The following PLXNA3 variants were observed in gnomAD, a reference collection of about 807,000 sequenced individuals.
PLXNA3 encodes plexin-A3.
In PLXNA3, 52 loss-of-function variants were observed where a neutral mutation model predicts 118.8. That is an observed-to-expected ratio of 0.44 (90% CI 0.35 to 0.55). PLXNA3 has a LOEUF of 0.55. Among genes scored for constraint, PLXNA3 ranks in the 20% least tolerant of loss-of-function variants. The pLI is 0.01. For synonymous variants in PLXNA3, 925 were observed against 762.4 expected (o/e 1.21, Z -3.51); for missense variants, 1,660 against 1,730.8 (o/e 0.96, Z 0.73).
Position 154,465,418 on chromosome X carries a change from C to T in PLXNA3, c.2245-6C>T, listed in dbSNP as rs782617446. 2.5e-6 allele frequency: 3 copies of T among 1,196,215 alleles called. No homozygotes were observed. The highest frequency in any genetic ancestry group is 3.4e-6 in the Non-Finnish European group (3 of 881,999). The stretch of plus-strand genomic sequence containing the variant: ...ATCTGGGGTCCCATGGGTTCCTTTC[C>T]TCCAGTACTCCTATGAAGGTGATGA... On this transcript the variant is annotated splice_region_variant and splice_polypyrimidine_tract_variant and intron_variant, in intron 11 of 32. Coordinates refer to ENST00000369682, the MANE Select transcript of PLXNA3 (RefSeq NM_017514.5).
intron 4 of PLXNA3, among the ~76,000 whole-genome samples, chrX:154,462,811 G>A (rs782340246): frequency 9.1e-5 from 10 of 110,421 alleles, no homozygotes; most frequent in African/African-American, 3.3e-4. Flanking sequence ...CATGAAGGGG[G>A]AGATGAACTT....
chrX:154,469,333 C>A, intron 26 of PLXNA3, 46 bp from the exon 27 acceptor site: 2 of 1,168,872 alleles, frequency 1.7e-6, no homozygotes, highest in Non-Finnish European at 2.3e-6. Context: ...GGGCCAGGCA[C>A]TTGGGGGCTG....
rs1557209821 is a variant in PLXNA3 at position 154,472,598 on chromosome X, G to C, written c.5529G>C (p.Thr1843=). 1.7e-6 allele frequency: 2 copies of C among 1,201,983 alleles called. No homozygotes were observed. Among genetic ancestry groups the C allele is most frequent in the Admixed American group, 2.2e-5 (1 of 45,779 alleles). ...GGACTCCTCTCCCCCAGATTCTCACGGCTCTGGACCGAGATGCCTCTTGTC... is the reference window on the plus strand; with the variant it reads ...GGACTCCTCTCCCCCAGATTCTCACCGCTCTGGACCGAGATGCCTCTTGTC... ...YVTKYRQEIL[T]ALDRDASCRK... is the part of the protein sequence containing the mutation. The change falls in exon 33 of 33, where the codon ACG becomes ACC. Residue 1843 remains threonine, a synonymous_variant. Coordinates refer to ENST00000369682, the MANE Select transcript of PLXNA3 (RefSeq NM_017514.5).
chrX:154,469,963 A>C lies in PLXNA3; in HGVS notation c.4796-14A>C. The stretch of plus-strand genomic sequence containing the variant: ...AGGTGGTGGCCTAAGGGTCACATGC[A>C]TTCTCTGCTCCAGAGAGCTTGCTCC... On this transcript the variant is annotated splice_polypyrimidine_tract_variant and intron_variant, in intron 28 of 32. Coordinates refer to ENST00000369682, the MANE Select transcript of PLXNA3 (RefSeq NM_017514.5). 8.3e-7 allele frequency: 1 copy of C among 1,208,266 alleles called. No individual in the cohort carries two copies. Among genetic ancestry groups the C allele is most frequent in the African/African-American group, 1.7e-5 (1 of 57,884 alleles).
rs781806360 is a variant in PLXNA3, at chrX:154,467,653, G to A, written c.3550G>A (p.Asp1184Asn). 6 of 1,210,030 alleles carry A rather than the reference G, an allele frequency of 5.0e-6. No homozygotes were observed. Among genetic ancestry groups the A allele is most frequent in the South Asian group, 3.5e-5 (2 of 56,906 alleles). ...TGTCTCGGACACACAACTCCTGTGC[G>A]ACTCACCCAGCCAGACTGGCCGGCA... ...LTVSDTQLLCDSPSQTGRQPV... is the reference protein window; with the variant it reads ...LTVSDTQLLCNSPSQTGRQPV... The change falls in exon 20 of 33, where the codon GAC (aspartate) becomes AAC (asparagine). Residue 1184 changes from aspartate (D) to asparagine (N), a missense_variant. This residue lies in a region of PLXNA3 where 869 missense variants were observed against 1,078.7 expected (regional missense o/e 0.81). Coordinates refer to ENST00000369682, the MANE Select transcript of PLXNA3 (RefSeq NM_017514.5).
chrX:154,459,919 C>T (rs1444986149), intron 1 of PLXNA3, among the ~76,000 whole-genome samples: 1 of 113,250 alleles, frequency 8.8e-6, no homozygotes. Context: ...GCTCTGCTAC[C>T]CCCTTGGGTG....
At chrX:154,460,129 C>G (rs1557203100) in intron 1 of PLXNA3, 28 bp from the exon 2 acceptor site, 3 of 879,497 alleles carry the variant, frequency 3.4e-6, no homozygotes, top group East Asian at 6.3e-5. Flanking sequence ...CTCGAGGCCT[C>G]TGACTCCCAC....
At chrX:154,462,089 G>C in intron 3 of PLXNA3, 39 bp from the exon 4 acceptor site, 2 of 1,115,203 alleles carry the variant, frequency 1.8e-6, no homozygotes, top group East Asian at 3.2e-5. Context: ...TTGCGCCTGG[G>C]AGCTTTGACT....
At position 154,460,557 on chromosome X, in the gene PLXNA3, T is replaced by C; in HGVS notation, c.374T>C (p.Leu125Pro). ...CAGGGCATCTGCCAGTTCCTGCGTCTGGACGACCTCTTCAAGCTGGGTGAG... is the reference window on the plus strand; with the variant it reads ...CAGGGCATCTGCCAGTTCCTGCGTCCGGACGACCTCTTCAAGCTGGGTGAG... The part of the protein sequence containing the change: ...IWQGICQFLR[L>P]DDLFKLGEPH... The change falls in exon 2 of 33, where the codon CTG (leucine) becomes CCG (proline). Residue 125 changes from leucine to proline, a missense_variant. By Grantham distance (98) the Leu-to-Pro change is moderately conservative (BLOSUM62 -3). Transcript: ENST00000369682. 1 of 1,209,957 alleles carries C rather than the reference T, an allele frequency of 8.3e-7. No homozygotes were observed. The highest frequency in any genetic ancestry group is 1.1e-6 in the Non-Finnish European group (1 of 894,653).
Position 154,461,374 on chromosome X carries a change from C to T in PLXNA3, c.870C>T (p.Arg290=). The change falls in exon 3 of 33, where the codon CGC becomes CGT. Residue 290 remains arginine (R), a synonymous_variant. Transcript: ENST00000369682. ...IGCSWRGVEY[R]LVQSAHLAKP... is the part of the protein sequence containing the mutation. Reference sequence around the variant, plus strand: ...GCTCCTGGCGCGGCGTGGAGTACCGCTTGGTGCAGAGCGCCCACCTGGCCA... The same window carrying T: ...GCTCCTGGCGCGGCGTGGAGTACCGTTTGGTGCAGAGCGCCCACCTGGCCA... The T allele has an allele frequency of 8.3e-7, 1 of 1,212,112 alleles. No individual in the cohort carries two copies.
rs1557206743 is a variant in PLXNA3 at position 154,465,720 on chromosome X, G to A, written c.2405G>A (p.Arg802His). 4.1e-6 allele frequency: 5 copies of A among 1,208,819 alleles called. No individual in the cohort carries two copies. Among genetic ancestry groups the A allele is most frequent in the East Asian group, 3.0e-5 (1 of 33,791 alleles). The change falls in exon 13 of 33, where the codon CGC becomes CAC. Residue 802 changes from arginine (R) to histidine (H), a missense_variant. This residue lies in a region of PLXNA3 where 869 missense variants were observed against 1,078.7 expected (regional missense o/e 0.81). Transcript: ENST00000369682. ...GGCCTCTGCCTCAAGGCTGATCCCC[G>A]CTTCAACTGTGGCTGGTGCATCTCA... ...SCGLCLKADPRFNCGWCISEH... is the reference protein window; with the variant it reads ...SCGLCLKADPHFNCGWCISEH...
At chrX:154,458,454 C>G (rs782775831) in intron 1 of PLXNA3, 26 bp downstream of exon 1, 1 of 110,929 alleles carries the variant, frequency 9.0e-6, no homozygotes, top group Non-Finnish European at 1.9e-5. Context: ...CGTCGCCGTC[C>G]GTGCGGGGCC....
rs782281969 is a variant in PLXNA3, at chrX:154,471,297, C to T, written c.5349C>T (p.Asn1783=). The T allele has an allele frequency of 3.3e-6, 4 of 1,209,260 alleles. No homozygotes were observed. In the African/African-American group the frequency reaches 7.0e-5, roughly 21 times the overall value. Residue 1783 remains asparagine (N), a synonymous_variant, in exon 31 of 33, where the codon AAC becomes AAT. Transcript: ENST00000369682. ...NKLLYAKDIP[N]YKSWVERYYR... Reference sequence around the variant, plus strand: ...TGCTCTACGCCAAGGACATCCCCAACTACAAGAGCTGGGTGGAGAGGTGGG... The same window carrying T: ...TGCTCTACGCCAAGGACATCCCCAATTACAAGAGCTGGGTGGAGAGGTGGG...
rs1557211053 is a variant in PLXNA3, at chrX:154,477,360, G to A, written c.*4675G>A. 1 of 112,563 alleles carries A rather than the reference G, an allele frequency of 8.9e-6. No homozygotes were observed. Among genetic ancestry groups the A allele is most frequent in the Middle Eastern group, 4.6e-3 (1 of 219 alleles). The allele number at this position is 112,563 out of a possible 1,213,427, so 9.3% of individuals were successfully genotyped here. On this transcript the variant is annotated 3_prime_UTR_variant, in exon 33 of 33. Transcript: ENST00000369682. ...AGAAAATCTGATAGAATCTATAAAA[G>A]AGCCCTAAGGCTGGAGACACTGTAT... is the stretch of plus-strand genomic sequence containing the variant.
At chrX:154,470,420 G>C (rs2069166917) in intron 29 of PLXNA3, 22 bp from the exon 30 acceptor site, 1 of 1,200,298 alleles carries the variant, frequency 8.3e-7, no homozygotes, top group African/African-American at 1.7e-5. Context: ...CTCATAGCCT[G>C]TGACCTCTCT....
In PLXNA3 at chrX:154,460,549, C is replaced by T. The variant is rs782490409; in HGVS notation, c.366C>T (p.Phe122=). 5.8e-6 allele frequency: 7 copies of T among 1,210,049 alleles called. No homozygotes were observed. The South Asian group carries it at 1.1e-4, about 18-fold the overall frequency. Residue 122 remains phenylalanine (F), a synonymous_variant, in exon 2 of 33, where the codon TTC becomes TTT. Transcript: ENST00000369682. ...CGSIWQGICQ[F]LRLDDLFKLG... ...GCATCTGGCAGGGCATCTGCCAGTT[C>T]CTGCGTCTGGACGACCTCTTCAAGC...
chrX:154,474,116 G>A lies in PLXNA3; in HGVS notation c.*1431G>A, dbSNP rs1442779484. On this transcript the variant is annotated 3_prime_UTR_variant, in exon 33 of 33. Transcript: ENST00000369682. Reference sequence around the variant, plus strand: ...AAAGTCTTACTCCCAGGCCTGTTAAGTAATGCAGGTGGGGAGAAGGTGACA... The same window carrying A: ...AAAGTCTTACTCCCAGGCCTGTTAAATAATGCAGGTGGGGAGAAGGTGACA... 9.0e-6 allele frequency: 1 copy of A among 111,684 alleles called. No individual in the cohort carries two copies. Among genetic ancestry groups the A allele is most frequent in the African/African-American group, 3.3e-5 (1 of 30,633 alleles). 9.2% of individuals were successfully genotyped at this position (111,684 alleles called of 1,213,427 possible). A position where few individuals can be genotyped will look rare whatever the true frequency, so the allele number is the denominator to read the frequency against.
rs1203360705 is a variant in PLXNA3, at chrX:154,469,918, G to A, written c.4796-59G>A. 13 of 1,163,401 alleles carry A rather than the reference G, an allele frequency of 1.1e-5. No homozygotes were observed. In the East Asian group the frequency reaches 1.8e-4, roughly 16 times the overall value. ...GGTCCCCACATGCTGCTGAGCTCCC[G>A]GGAGAGTGGGGCAGGGGCCAGGTGG... On this transcript the variant is annotated intron_variant, in intron 28 of 32. Transcript: ENST00000369682.
In PLXNA3 at chrX:154,461,746, G is replaced by A. The variant is rs907084698; in HGVS notation, c.1134+108G>A. 8.5e-5 allele frequency: 69 copies of A among 812,661 alleles called. No individual in the cohort carries two copies. The African/African-American group carries it at 1.1e-3, about 13-fold the overall frequency. 67.0% of individuals were successfully genotyped at this position (812,661 alleles called of 1,213,427 possible). A position where few individuals can be genotyped will look rare whatever the true frequency, so the allele number is the denominator to read the frequency against. On this transcript the variant is annotated intron_variant, in intron 3 of 32. Transcript: ENST00000369682. ...TGTCCCAGGCTTTGCCATGGCCCTG[G>A]GAGTGGCACCTTTGCCCTCCCACCT...
Sources: allele counts gnomAD v4.1 joint callset (sites outside exome capture counted in the v4.1 genomes callset), GRCh38; gene constraint gnomAD v4.1.1; regional missense constraint gnomAD v4.1.1; transcripts MANE v1.5; gene names NCBI Gene and HGNC (gene_info 2026-07-23, HGNC 2026-07-21).